The following CACNA1B variants were observed in gnomAD, a reference collection of about 807,000 sequenced individuals.
The protein encoded by CACNA1B is voltage-dependent N-type calcium channel subunit alpha-1B.
CACNA1B carries 70 observed loss-of-function variants against 247.2 expected under a neutral mutation model. The observed-to-expected ratio is 0.28, with a 90% confidence interval of 0.23 to 0.35. CACNA1B has a LOEUF of 0.35. CACNA1B is among the 10% of genes least tolerant of loss of function. The probability of loss-of-function intolerance (pLI) is 1.00; values close to 1 mark genes in which losing one functional copy is unlikely to be tolerated. For synonymous variants in CACNA1B, 1,231 were observed against 1,294.4 expected, an observed-to-expected ratio of 0.95 and a Z score of 1.05; for missense variants, 2,367 against 3,197.4, an observed-to-expected ratio of 0.74 and a Z score of 6.26.
intron 12 of CACNA1B, among the ~76,000 whole-genome samples, chr9:137,979,258 G>A (rs781726175): frequency 2.0e-5 from 3 of 152,162 alleles, no homozygotes; most frequent in Non-Finnish European, 2.9e-5. Flanking sequence ...CCCAGTTGAA[G>A]GCCAAGGATA....
In CACNA1B at chr9:138,086,742, A is replaced by AAC. The variant is rs541943316; in HGVS notation, c.5094+8486_5094+8487dup. The stretch of plus-strand genomic sequence containing the variant: ...TTTCCGTACCCTATGCTCCGCATTG[A>AAC]ACAGATCATCTAGACAGAAAATCAA... On this transcript the variant is annotated intron_variant, in intron 36 of 46. Coordinates refer to ENST00000371372, the MANE Select transcript of CACNA1B (RefSeq NM_000718.4). Among the ~76,000 whole-genome samples, 435 of 151,376 alleles carry AAC rather than the reference A, an allele frequency of 2.9e-3. 3 individuals are homozygous for AAC. Among genetic ancestry groups the AAC allele is most frequent in the Non-Finnish European group, 4.4e-3 (300 of 68,028 alleles).
At chr9:137,883,652 C>G (rs1394663880) in intron 3 of CACNA1B, among the ~76,000 whole-genome samples, 1 of 151,774 alleles carries the variant, frequency 6.6e-6, no homozygotes, top group African/African-American at 2.4e-5. Flanking sequence ...TGCTGTGGCT[C>G]TGGTGTGGAG....
At position 138,120,415 on chromosome 9, in the gene CACNA1B, C is replaced by T. The variant is rs200125480; in HGVS notation, c.6238+43C>T. ...CGGGGAGTCCTTCGGGGAGCTATGG[C>T]CCGAGTCAGGGGGTCCAAGCGGCCC... is the stretch of plus-strand genomic sequence containing the variant. On this transcript the variant is annotated intron_variant, in intron 45 of 46. Transcript: ENST00000371372. The T allele has an allele frequency of 2.7e-6, 4 of 1,509,316 alleles. 1 individual carries two copies. Among genetic ancestry groups the T allele is most frequent in the Non-Finnish European group, 1.8e-6 (2 of 1,127,214 alleles). The allele number at this position is 1,509,316 out of a possible 1,614,324, so 93.5% of individuals were successfully genotyped here. A position where few individuals can be genotyped will look rare whatever the true frequency, so the allele number is the denominator to read the frequency against.
At position 138,011,305 on chromosome 9, in the gene CACNA1B, A is replaced by G. The variant is rs1447061355; in HGVS notation, c.2160+1228A>G. ...TCTTTAAGTTCTGTCATGAAGGAAG[A>G]TGCATGGAGGAAGCCATGTCCTTGG... On this transcript the variant is annotated intron_variant, in intron 17 of 46. Coordinates refer to ENST00000371372, the MANE Select transcript of CACNA1B (RefSeq NM_000718.4). The surrounding 1 kb of genome is among the most constrained non-coding windows in gnomAD (Gnocchi z 4.2). 1.3e-5 allele frequency among the ~76,000 whole-genome samples: 2 copies of G among 152,152 alleles called. No individual in the cohort carries two copies. Among genetic ancestry groups the G allele is most frequent in the African/African-American group, 2.4e-5 (1 of 41,438 alleles).
At chr9:138,093,746 A>C (rs1223280407) in intron 36 of CACNA1B, among the ~76,000 whole-genome samples, 1 of 151,986 alleles carries the variant, frequency 6.6e-6, no homozygotes, top group Non-Finnish European at 1.5e-5. Flanking sequence ...TCTCAAAAAA[A>C]AAACTAATAA....
intron 20 of CACNA1B, among the ~76,000 whole-genome samples, chr9:138,039,489 C>A (rs1959090078): frequency 6.6e-6 from 1 of 152,164 alleles, no homozygotes; most frequent in African/African-American, 2.4e-5. Flanking sequence ...TCTCGTTACT[C>A]TAAGTAATTT....
At chr9:137,968,002 G>A (rs1371938094) in intron 10 of CACNA1B, among the ~76,000 whole-genome samples, 1 of 152,126 alleles carries the variant, frequency 6.6e-6, no homozygotes, top group Non-Finnish European at 1.5e-5. Context: ...TTTTTCATCT[G>A]CTGAGTGGTT....
intron 36 of CACNA1B, among the ~76,000 whole-genome samples, chr9:138,084,096 CG>C: frequency 6.6e-6 from 1 of 150,980 alleles, no homozygotes; most frequent in Admixed American, 6.6e-5. Context: ...GCTATAATCT[CG>C]CCCCCTGGGC....
chr9:137,910,648 C>T (rs1439388646), intron 3 of CACNA1B, among the ~76,000 whole-genome samples: 1 of 152,170 alleles, frequency 6.6e-6, no homozygotes, highest in Non-Finnish European at 1.5e-5. Context: ...ATAAGATTCT[C>T]ATAAGGAGCG....
At chr9:137,942,694 T>C (rs2133321145) in intron 6 of CACNA1B, among the ~76,000 whole-genome samples, 1 of 152,342 alleles carries the variant, frequency 6.6e-6, no homozygotes. Context: ...TTGGGACTAT[T>C]ATTCTAAGTG....
In CACNA1B at chr9:137,913,500, C is replaced by T. The variant is rs1957379895; in HGVS notation, c.622+229C>T. Among the ~76,000 whole-genome samples the T allele has an allele frequency of 6.6e-6, 1 of 152,164 alleles. No individual in the cohort carries two copies. The highest frequency in any genetic ancestry group is 2.1e-4 in the South Asian group (1 of 4,828). On this transcript the variant is annotated intron_variant, in intron 4 of 46. Coordinates refer to ENST00000371372, the MANE Select transcript of CACNA1B (RefSeq NM_000718.4). This position sits in a 1 kb window ranked among gnomAD's most constrained non-coding sequence, Gnocchi z 5.2. ...TGTTATTTTACCCTGACCTGGCTTC[C>T]CTAGATGGAAGCTTTGTTCCTCCTC...
At chr9:138,048,267 A>G (rs1959199811) in intron 23 of CACNA1B, among the ~76,000 whole-genome samples, 1 of 152,216 alleles carries the variant, frequency 6.6e-6, no homozygotes, top group African/African-American at 2.4e-5. Flanking sequence ...TGACAGAGCC[A>G]GGATGTGAGT....
chr9:137,894,528 C>T (rs1957150217), intron 3 of CACNA1B, among the ~76,000 whole-genome samples: 1 of 152,046 alleles, frequency 6.6e-6, no homozygotes, highest in South Asian at 2.1e-4. Context: ...CCTGCCTCAG[C>T]CTCCCGAGTA....
Position 137,878,014 on chromosome 9 carries a change from C to T in CACNA1B, c.81C>T (p.Gly27=), listed in dbSNP as rs1347772769. ...AGCGGGCCCGGGGCGGCGGGGCCGG[C>T]GGGGCGGGGGGCCCGGGTCCCGGGG... ...GGERARGGGA[G]GAGGPGPGGL... The change falls in exon 1 of 47, where the codon GGC becomes GGT. Residue 27 remains glycine (G), a synonymous_variant. Coordinates refer to ENST00000371372, the MANE Select transcript of CACNA1B (RefSeq NM_000718.4). The T allele has an allele frequency of 5.7e-6, 7 of 1,232,192 alleles. No homozygotes were observed. The highest frequency in any genetic ancestry group is 5.0e-4 in the Middle Eastern group (2 of 4,000). 76.3% of individuals were successfully genotyped at this position (1,232,192 alleles called of 1,614,324 possible). A position where few individuals can be genotyped will look rare whatever the true frequency, so the allele number is the denominator to read the frequency against.
chr9:138,025,177 G>GT lies in CACNA1B; in HGVS notation c.3286+6dup, dbSNP rs1403109597. ...GGGAAGCCACGGTCGTTCCCAGTGA[G>GT]TATCTCCCTGTGCCAGTGGGGCAGG... is the stretch of plus-strand genomic sequence containing the variant. On this transcript the variant is annotated splice_donor_region_variant and intron_variant, in intron 20 of 46. Transcript: ENST00000371372. 1 of 1,590,936 alleles carries GT rather than the reference G, an allele frequency of 6.3e-7. No individual in the cohort carries two copies. Among genetic ancestry groups the GT allele is most frequent in the Admixed American group, 1.7e-5 (1 of 58,450 alleles).
intron 6 of CACNA1B, among the ~76,000 whole-genome samples, chr9:137,949,886 A>G (rs1241964028): frequency 2.6e-5 from 4 of 152,192 alleles, no homozygotes. Context: ...TTGACCAAGT[A>G]TCTGAGTACC....
chr9:138,061,320 C>T lies in CACNA1B; in HGVS notation c.4668+1583C>T, dbSNP rs955891925. Among the ~76,000 whole-genome samples the T allele has an allele frequency of 2.0e-5, 3 of 152,164 alleles. No homozygotes were observed. The East Asian group carries it at 5.8e-4, about 29-fold the overall frequency. ...CCTTCTCCACCTGTTTGAACCAGGG[C>T]CTCTAGATTTGCCAGACCTAAAATT... On this transcript the variant is annotated intron_variant, in intron 31 of 46. Transcript: ENST00000371372.
chr9:138,093,750 C>T (rs11137368), intron 36 of CACNA1B, among the ~76,000 whole-genome samples: 45,731 of 151,498 alleles, frequency 0.3, 9,966 homozygotes, highest in African/African-American at 0.6. Context: ...AAAAAAAAAA[C>T]TAATAAATTA....
intron 3 of CACNA1B, among the ~76,000 whole-genome samples, chr9:137,894,699 T>C (rs551629991): frequency 3.3e-5 from 5 of 152,248 alleles, no homozygotes; most frequent in South Asian, 2.1e-4. Flanking sequence ...TGAGCCACCG[T>C]GCCTGGCCCT....
Sources: allele counts gnomAD v4.1 joint callset (sites outside exome capture counted in the v4.1 genomes callset), GRCh38; gene constraint gnomAD v4.1.1; non-coding constraint Gnocchi (gnomAD v3.1); transcripts MANE v1.5; gene names NCBI Gene and HGNC (gene_info 2026-07-23, HGNC 2026-07-21).